The following MFSD6 variants were observed in gnomAD, a reference collection of about 807,000 sequenced individuals.
MFSD6 encodes major facilitator superfamily domain containing 6, also known as major facilitator superfamily domain-containing protein 6.
A neutral mutation model predicts 56.3 loss-of-function variants in MFSD6; 26 were observed. That is an observed-to-expected ratio of 0.46 (90% CI 0.34 to 0.64). The LOEUF (loss-of-function observed/expected upper bound fraction) is 0.64. Ranked by LOEUF, MFSD6 falls within the 30% of genes least tolerant of loss-of-function variation. The probability of loss-of-function intolerance (pLI) is 0.01; values close to 1 mark genes in which losing one functional copy is unlikely to be tolerated. For synonymous variants in MFSD6, 331 were observed against 366.9 expected (o/e 0.90, Z 1.12); for missense variants, 750 against 986.2 (o/e 0.76, Z 3.21).
intron 4 of MFSD6, among the ~76,000 whole-genome samples, chr2:190,472,288 C>T (rs1021477435): frequency 3.9e-5 from 6 of 152,026 alleles, no homozygotes; most frequent in African/African-American, 1.2e-4. Context: ...CAAACTACTC[C>T]GAGCTAAAGG....
upstream of MFSD6, chr2:190,408,276 C>G (rs1690384529): frequency 6.6e-6 from 1 of 151,512 alleles, no homozygotes; most frequent in Non-Finnish European, 1.5e-5. Context: ...GGCGGGAGCG[C>G]TGGGCCCTCC....
rs1553517966 is a variant in MFSD6, at chr2:190,434,694, AG to A, written c.-53-1282del. ...TGATCCGCCCCCCTCAGCCTCCCAA[AG>A]TGCTGGGATTACAGGTGTGAGCCAC... On this transcript the variant is annotated intron_variant, in intron 2 of 7. Coordinates refer to ENST00000392328, the MANE Select transcript of MFSD6 (RefSeq NM_017694.4). The surrounding 1 kb of genome is among the most constrained non-coding windows in gnomAD (Gnocchi z 4.3). 3.9e-5 allele frequency among the ~76,000 whole-genome samples: 6 copies of A among 152,166 alleles called. No individual in the cohort carries two copies. The highest frequency in any genetic ancestry group is 2.9e-5 in the Non-Finnish European group (2 of 68,026).
Position 190,497,361 on chromosome 2 carries a change from T to C in MFSD6, c.1892-78T>C. 1 of 1,500,812 alleles carries C rather than the reference T, an allele frequency of 6.7e-7. No individual in the cohort carries two copies. The highest frequency in any genetic ancestry group is 9.0e-7 in the Non-Finnish European group (1 of 1,112,806). The allele number at this position is 1,500,812 out of a possible 1,614,324, so 93.0% of individuals were successfully genotyped here. A position where few individuals can be genotyped will look rare whatever the true frequency, so the allele number is the denominator to read the frequency against. On this transcript the variant is annotated intron_variant, in intron 6 of 7. Transcript: ENST00000392328. The surrounding 1 kb of genome is among the most constrained non-coding windows in gnomAD (Gnocchi z 5.2). ...TGGAATGGGTATATGGGATTCTTGGTTTATTTATTTATTTTTACCTTTGTT... is the reference window on the plus strand; with the variant it reads ...TGGAATGGGTATATGGGATTCTTGGCTTATTTATTTATTTTTACCTTTGTT...
At position 190,454,882 on chromosome 2, in the gene MFSD6, G is replaced by C. The variant is rs895653043; in HGVS notation, c.1533-14876G>C. Among the ~76,000 whole-genome samples, 2 of 151,848 alleles carry C rather than the reference G, an allele frequency of 1.3e-5. No homozygotes were observed. Among genetic ancestry groups the C allele is most frequent in the Non-Finnish European group, 2.9e-5 (2 of 68,026 alleles). On this transcript the variant is annotated intron_variant, in intron 3 of 7. Coordinates refer to ENST00000392328, the MANE Select transcript of MFSD6 (RefSeq NM_017694.4). This position sits in a 1 kb window ranked among gnomAD's most constrained non-coding sequence, Gnocchi z 4.6. The stretch of plus-strand genomic sequence containing the variant: ...GTGGGATGATGGTAGGAGTGAGTCC[G>C]GCAACGGCAAACTTGTATTTTTCTG...
Position 190,454,963 on chromosome 2 carries a change from T to C in MFSD6, c.1533-14795T>C, listed in dbSNP as rs1220660342. 8.8e-6 allele frequency among the ~76,000 whole-genome samples: 1 copy of C among 114,022 alleles called. No homozygotes were observed. Among genetic ancestry groups the C allele is most frequent in the Non-Finnish European group, 2.1e-5 (1 of 48,574 alleles). 74.8% of individuals were successfully genotyped at this position (114,022 alleles called of 152,430 possible). On this transcript the variant is annotated intron_variant, in intron 3 of 7. Coordinates refer to ENST00000392328, the MANE Select transcript of MFSD6 (RefSeq NM_017694.4). This position sits in a 1 kb window ranked among gnomAD's most constrained non-coding sequence, Gnocchi z 4.6. Reference sequence around the variant, plus strand: ...ATATGTATATGTATATGTATATGTATATGTATATGTATATGTATATGTATA... The same window carrying C: ...ATATGTATATGTATATGTATATGTACATGTATATGTATATGTATATGTATA...
At position 190,434,491 on chromosome 2, in the gene MFSD6, A is replaced by G. The variant is rs1294447860; in HGVS notation, c.-53-1486A>G. 2.6e-5 allele frequency among the ~76,000 whole-genome samples: 4 copies of G among 152,134 alleles called. No individual in the cohort carries two copies. The highest frequency in any genetic ancestry group is 2.6e-4 in the Admixed American group (4 of 15,280). Reference sequence around the variant, plus strand: ...TCGCTCTGTTGCCAGGCTGGAGTGCAGTGGCGCAATCTCAGCTCACTGCAA... The same window carrying G: ...TCGCTCTGTTGCCAGGCTGGAGTGCGGTGGCGCAATCTCAGCTCACTGCAA... On this transcript the variant is annotated intron_variant, in intron 2 of 7. Coordinates refer to ENST00000392328, the MANE Select transcript of MFSD6 (RefSeq NM_017694.4). This position sits in a 1 kb window ranked among gnomAD's most constrained non-coding sequence, Gnocchi z 4.3.
At chr2:190,442,035 C>A (rs1165743401) in intron 3 of MFSD6, among the ~76,000 whole-genome samples, 1 of 152,164 alleles carries the variant, frequency 6.6e-6, no homozygotes, top group Non-Finnish European at 1.5e-5. Context: ...TAGAATAACT[C>A]AATTATTGAT....
Position 190,443,698 on chromosome 2 carries a change from T to C in MFSD6, c.1532+6137T>C, listed in dbSNP as rs975382709. ...AAATGGAGTTATATCAAATTGGAAG[T>C]GCACTCCTGATACAGCCTTTATATA... On this transcript the variant is annotated intron_variant, in intron 3 of 7. Transcript: ENST00000392328. This position sits in a 1 kb window ranked among gnomAD's most constrained non-coding sequence, Gnocchi z 4.2. 6.6e-6 allele frequency among the ~76,000 whole-genome samples: 1 copy of C among 152,226 alleles called. No individual in the cohort carries two copies. Among genetic ancestry groups the C allele is most frequent in the Non-Finnish European group, 1.5e-5 (1 of 68,038 alleles).
chr2:190,480,149 T>G (rs761942999), intron 4 of MFSD6, among the ~76,000 whole-genome samples: 1 of 152,178 alleles, frequency 6.6e-6, no homozygotes, highest in Non-Finnish European at 1.5e-5. Context: ...GGTGACACAG[T>G]GAGACCCTGT....
chr2:190,420,796 C>T (rs894149625), intron 2 of MFSD6, among the ~76,000 whole-genome samples: 1 of 151,860 alleles, frequency 6.6e-6, no homozygotes, highest in African/African-American at 2.4e-5. Context: ...TTCCTTTTTA[C>T]CAAAATCTAA....
chr2:190,421,308 T>A (rs550254839), intron 2 of MFSD6, among the ~76,000 whole-genome samples: 10 of 152,300 alleles, frequency 6.6e-5, no homozygotes, highest in Admixed American at 3.9e-4. Context: ...CTGATTAGAA[T>A]TGATGTGGAA....
intron 4 of MFSD6, among the ~76,000 whole-genome samples, chr2:190,472,441 C>T (rs1417539158): frequency 2.0e-5 from 3 of 152,124 alleles, no homozygotes; most frequent in Non-Finnish European, 4.4e-5. Flanking sequence ...GTGACAAATG[C>T]ACAAGCCTTA....
chr2:190,483,714 A>C (rs1688838036), intron 4 of MFSD6, among the ~76,000 whole-genome samples: 1 of 151,952 alleles, frequency 6.6e-6, no homozygotes, highest in African/African-American at 2.4e-5. Context: ...ACACACCTGT[A>C]GTCCCAGCTA....
At chr2:190,411,168 T>G (rs1197929944) in intron 1 of MFSD6, 3 of 981,086 alleles carry the variant, frequency 3.1e-6, no homozygotes, top group East Asian at 1.1e-4. Flanking sequence ...GTAGTTTTTT[T>G]TTTTTTTTTT....
chr2:190,429,670 T>A (rs1380320318), intron 2 of MFSD6, among the ~76,000 whole-genome samples: 2 of 152,190 alleles, frequency 1.3e-5, no homozygotes, highest in Non-Finnish European at 2.9e-5. Context: ...ATGTTTAATA[T>A]ACTCTGTGTC....
chr2:190,477,382 A>G (rs1191907037), intron 4 of MFSD6: 5 of 977,018 alleles, frequency 5.1e-6, no homozygotes, highest in Admixed American at 6.1e-5. Context: ...AAAGATTTGT[A>G]TACCTACAGA....
At chr2:190,442,188 A>C (rs953739996) in intron 3 of MFSD6, among the ~76,000 whole-genome samples, 3 of 152,226 alleles carry the variant, frequency 2.0e-5, no homozygotes, top group African/African-American at 7.2e-5. Context: ...TAAATTTGGA[A>C]TTATGAATTC....
chr2:190,448,398 G>A (rs532148249), intron 3 of MFSD6, among the ~76,000 whole-genome samples: 2 of 152,142 alleles, frequency 1.3e-5, no homozygotes, highest in Non-Finnish European at 2.9e-5. Flanking sequence ...CAGTGAAAAA[G>A]AGAAACAGTC....
chr2:190,469,953 C>A lies in MFSD6; in HGVS notation c.1630+98C>A, dbSNP rs1238734303. ...AGCATCTGATTCTATAAAGGAAGGGCAGGCCTACTGTTTCATGTGATTTTG... is the reference window on the plus strand; with the variant it reads ...AGCATCTGATTCTATAAAGGAAGGGAAGGCCTACTGTTTCATGTGATTTTG... On this transcript the variant is annotated intron_variant, in intron 4 of 7. Coordinates refer to ENST00000392328, the MANE Select transcript of MFSD6 (RefSeq NM_017694.4). The surrounding 1 kb of genome is among the most constrained non-coding windows in gnomAD (Gnocchi z 5.3). 2.5e-6 allele frequency: 2 copies of A among 794,130 alleles called. No individual in the cohort carries two copies. The highest frequency in any genetic ancestry group is 4.1e-6 in the Non-Finnish European group (2 of 486,724). The allele number at this position is 794,130 out of a possible 1,614,324, so 49.2% of individuals were successfully genotyped here. A position where few individuals can be genotyped will look rare whatever the true frequency, so the allele number is the denominator to read the frequency against.
Sources: gnomAD v4.1 joint callset for allele counts (sites outside exome capture counted in the v4.1 genomes callset) on GRCh38, gnomAD v4.1.1 for gene constraint, Gnocchi (gnomAD v3.1) non-coding constraint, MANE v1.5 for transcripts, NCBI Gene and HGNC (gene_info 2026-07-23, HGNC 2026-07-21) for gene names.